Variants in NRXN3 observed in about 807,000 individuals in gnomAD.
NRXN3 encodes neurexin III.
In NRXN3, 32 loss-of-function variants were observed where a neutral mutation model predicts 137.6. The ratio of observed to expected loss-of-function variants is 0.23; its 90% CI spans 0.18 to 0.31. The LOEUF is 0.31. Ranked by LOEUF, NRXN3 falls within the 10% of genes least tolerant of loss-of-function variation. The probability of loss-of-function intolerance (pLI) is 1.00; values close to 1 mark genes in which losing one functional copy is unlikely to be tolerated. For synonymous variants in NRXN3, 798 were observed against 784.5 expected (o/e 1.02, Z -0.29); for missense variants, 1,574 against 2,062.5 (o/e 0.76, Z 4.59).
chr14:78,318,744 A>G (rs2078994645), intron 4 of NRXN3, among the ~76,000 whole-genome samples: 2 of 152,156 alleles, frequency 1.3e-5, no homozygotes, highest in African/African-American at 4.8e-5. Flanking sequence ...GTAGAACAGA[A>G]TGAGTTCCCT....
chr14:79,125,225 C>T (rs1275704836), intron 15 of NRXN3, among the ~76,000 whole-genome samples: 1 of 152,218 alleles, frequency 6.6e-6, no homozygotes, highest in Non-Finnish European at 1.5e-5. Flanking sequence ...ACCACTATAA[C>T]TGATCCCTGT....
intron 2 of NRXN3, among the ~76,000 whole-genome samples, chr14:78,256,440 C>T (rs7145595): frequency 0.9 from 137,638 of 152,312 alleles, 62,404 homozygotes; most frequent in African/African-American, 0.98. Context: ...CAGCAGGTGC[C>T]TTCGTGAAGC....
At chr14:78,925,759 C>T (rs1170176425) in intron 10 of NRXN3, among the ~76,000 whole-genome samples, 1 of 152,120 alleles carries the variant, frequency 6.6e-6, no homozygotes, top group Admixed American at 6.6e-5. Flanking sequence ...GAGGCCAGTC[C>T]TCATAAAAAC....
intron 10 of NRXN3, among the ~76,000 whole-genome samples, chr14:78,899,464 C>A (rs2099188580): frequency 6.6e-6 from 1 of 151,934 alleles, no homozygotes; most frequent in Non-Finnish European, 1.5e-5. Context: ...AGAGTAGATA[C>A]CCACTAGATT....
At chr14:78,574,550 T>C (rs1454624862) in intron 4 of NRXN3, among the ~76,000 whole-genome samples, 1 of 152,214 alleles carries the variant, frequency 6.6e-6, no homozygotes, top group Non-Finnish European at 1.5e-5. Flanking sequence ...AGCTTTAAGA[T>C]TTAACTGCCC....
intron 4 of NRXN3, among the ~76,000 whole-genome samples, chr14:78,548,776 G>A (rs139527359): frequency 1.3e-5 from 2 of 152,252 alleles, no homozygotes; most frequent in East Asian, 3.9e-4. Flanking sequence ...GATTCGCCCT[G>A]TAGGGCTCTC....
chr14:79,384,918 C>A (rs1220672594), intron 15 of NRXN3, among the ~76,000 whole-genome samples: 1 of 152,176 alleles, frequency 6.6e-6, no homozygotes, highest in Non-Finnish European at 1.5e-5. Context: ...ATCAATAATT[C>A]TTAGCTTTTG....
At chr14:78,717,136 T>C (rs2098437776) in intron 8 of NRXN3, among the ~76,000 whole-genome samples, 1 of 152,166 alleles carries the variant, frequency 6.6e-6, no homozygotes. Flanking sequence ...TCACTTCTTC[T>C]TGGGTCTCCT....
chr14:79,778,485 C>A (rs1349763877), intron 19 of NRXN3, among the ~76,000 whole-genome samples: 1 of 152,034 alleles, frequency 6.6e-6, no homozygotes, highest in Non-Finnish European at 1.5e-5. Flanking sequence ...TGGCATGAGG[C>A]CCTACTACCC....
chr14:78,602,380 C>T (rs1165974375), intron 4 of NRXN3: 1 of 148,970 alleles, frequency 6.7e-6, no homozygotes, highest in Non-Finnish European at 1.5e-5. Context: ...ATTGTTATTT[C>T]CTCACTCCTG....
chr14:78,212,580 T>C (rs4903725), intron 1 of NRXN3, among the ~76,000 whole-genome samples: 19,353 of 152,228 alleles, frequency 0.13, 1,372 homozygotes, highest in South Asian at 0.16. Flanking sequence ...AAAATAAAGA[T>C]CAAATTTGCC....
chr14:79,397,222 T>C (rs1477376623), intron 15 of NRXN3, among the ~76,000 whole-genome samples: 1 of 152,230 alleles, frequency 6.6e-6, no homozygotes, highest in Non-Finnish European at 1.5e-5. Flanking sequence ...TGAAGCTCCT[T>C]TCAAAACTCA....
intron 19 of NRXN3, among the ~76,000 whole-genome samples, chr14:79,765,043 T>C (rs577846894): frequency 3.9e-4 from 59 of 152,220 alleles, no homozygotes; most frequent in Non-Finnish European, 7.5e-4. Context: ...TAGACATCCA[T>C]GCACATTCAT....
rs138924254 is a variant in NRXN3 at position 78,483,614 on chromosome 14, G to A, written c.758-161506G>A. 2.9e-3 allele frequency among the ~76,000 whole-genome samples: 449 copies of A among 152,346 alleles called. 8 individuals carry two copies. Among genetic ancestry groups the A allele is most frequent in the African/African-American group, 0.01 (431 of 41,584 alleles). On this transcript the variant is annotated intron_variant, in intron 4 of 20. Transcript: ENST00000335750. ...ACAAAGGAGGAGTCTGATCTATGCAGTGGACATGAGAGACAACCAAAGTTT... is the reference window on the plus strand; with the variant it reads ...ACAAAGGAGGAGTCTGATCTATGCAATGGACATGAGAGACAACCAAAGTTT...
intron 15 of NRXN3, among the ~76,000 whole-genome samples, chr14:79,337,327 A>G (rs1726504590): frequency 6.6e-6 from 1 of 152,216 alleles, no homozygotes; most frequent in Non-Finnish European, 1.5e-5. Flanking sequence ...TCAATGTTTA[A>G]TGTCTTCATC....
chr14:78,861,185 T>C (rs2099071385), intron 10 of NRXN3, among the ~76,000 whole-genome samples: 2 of 152,168 alleles, frequency 1.3e-5, no homozygotes, highest in South Asian at 4.1e-4. Flanking sequence ...AAATATGTTA[T>C]ATGAAATACA....
chr14:79,422,550 T>A (rs1339255332), intron 15 of NRXN3, among the ~76,000 whole-genome samples: 3 of 152,176 alleles, frequency 2.0e-5, no homozygotes, highest in Non-Finnish European at 4.4e-5. Context: ...CTCACATTAG[T>A]GCTGTAGAGC....
chr14:79,151,741 G>A (rs1531627), intron 15 of NRXN3, among the ~76,000 whole-genome samples: 149,422 of 152,092 alleles, frequency 0.98, 73,452 homozygotes, highest in Middle Eastern at 1. Flanking sequence ...TCTAGACACC[G>A]TGATGTGTCA....
At chr14:78,271,923 C>T (rs193000328) in intron 2 of NRXN3, among the ~76,000 whole-genome samples, 1 of 152,242 alleles carries the variant, frequency 6.6e-6, no homozygotes, top group Admixed American at 6.5e-5. Context: ...AGAAAGAGCC[C>T]TAGAACGAAG....
Sources: gnomAD v4.1 joint callset for allele counts (sites outside exome capture counted in the v4.1 genomes callset) on GRCh38, gnomAD v4.1.1 for gene constraint, MANE v1.5 for transcripts, NCBI Gene and HGNC (gene_info 2026-07-23, HGNC 2026-07-21) for gene names.